Variants in FIGN observed in about 807,000 individuals in gnomAD.
The protein encoded by FIGN is fidgetin.
In FIGN, 11 loss-of-function variants were observed where a neutral mutation model predicts 51.3. The observed-to-expected ratio is 0.21, with a 90% CI of 0.13 to 0.35. The LOEUF is 0.35. FIGN is among the 10% of genes least tolerant of loss of function. The probability of loss-of-function intolerance (pLI) is 1.00; values close to 1 mark genes in which losing one functional copy is unlikely to be tolerated. For synonymous variants in FIGN, 407 were observed against 363.2 expected (o/e 1.12, Z -1.37); for missense variants, 857 against 943.6 (o/e 0.91, Z 1.20).
chr2:163,718,771 A>G (rs1559031839), intron 2 of FIGN, among the ~76,000 whole-genome samples: 1 of 152,028 alleles, frequency 6.6e-6, no homozygotes, highest in African/African-American at 2.4e-5. Flanking sequence ...CAAGAGAGAG[A>G]TTGTATGTTT....
chr2:163,677,004 C>G (rs997788611), intron 2 of FIGN, among the ~76,000 whole-genome samples: 2 of 152,198 alleles, frequency 1.3e-5, no homozygotes, highest in African/African-American at 4.8e-5. Flanking sequence ...CTTTCAAACT[C>G]TCACAGTGTC....
At chr2:163,616,994 A>T in intron 2 of FIGN, 1 of 572,596 alleles carries the variant, frequency 1.7e-6, no homozygotes, top group Non-Finnish European at 2.2e-6. Context: ...TCTACTTATT[A>T]TCATTCTTCA....
rs145037222 is a variant in FIGN, at chr2:163,732,179, C to T, written c.25+2724G>A. Among the ~76,000 whole-genome samples, 4 of 152,256 alleles carry T rather than the reference C, an allele frequency of 2.6e-5. No individual in the cohort carries two copies. In the East Asian group the frequency reaches 7.7e-4, roughly 29 times the overall value. Reference sequence around the variant, plus strand: ...ATATTCATTATTCAAGAACACATAGCATGTTTAATCTGATACCTCTATTTT... The same window carrying T: ...ATATTCATTATTCAAGAACACATAGTATGTTTAATCTGATACCTCTATTTT... On this transcript the variant is annotated intron_variant, in intron 2 of 2. Transcript: ENST00000333129.
At chr2:163,684,885 C>T (rs1398608630) in intron 2 of FIGN, among the ~76,000 whole-genome samples, 5 of 151,936 alleles carry the variant, frequency 3.3e-5, no homozygotes, top group Non-Finnish European at 2.9e-5. Context: ...AGCAATTCTC[C>T]TGCCTCAGCC....
chr2:163,660,139 G>A (rs530450894), intron 2 of FIGN, among the ~76,000 whole-genome samples: 115 of 151,802 alleles, frequency 7.6e-4, no homozygotes, highest in African/African-American at 2.7e-3. Flanking sequence ...AAAAATTAAG[G>A]GAAAAAATGA....
intron 2 of FIGN, among the ~76,000 whole-genome samples, chr2:163,621,007 C>A (rs1682960170): frequency 6.6e-6 from 1 of 152,094 alleles, no homozygotes; most frequent in South Asian, 2.1e-4. Context: ...CCAAACCCCA[C>A]AACCTTGCTT....
chr2:163,656,414 G>A (rs1176643503), intron 2 of FIGN, among the ~76,000 whole-genome samples: 6 of 152,148 alleles, frequency 3.9e-5, no homozygotes, highest in African/African-American at 1.2e-4. Context: ...TATCCTATAA[G>A]AGCATAAAAC....
At chr2:163,703,737 C>T (rs1394266798) in intron 2 of FIGN, among the ~76,000 whole-genome samples, 2 of 152,052 alleles carry the variant, frequency 1.3e-5, no homozygotes, top group African/African-American at 4.8e-5. Flanking sequence ...CATATATGGG[C>T]ACTGTGTTAT....
chr2:163,687,301 A>G lies in FIGN; in HGVS notation c.25+47602T>C, dbSNP rs368477447. Among the ~76,000 whole-genome samples the G allele has an allele frequency of 3.3e-5, 5 of 152,322 alleles. No individual in the cohort carries two copies. In the South Asian group the frequency reaches 6.2e-4, roughly 19 times the overall value. On this transcript the variant is annotated intron_variant, in intron 2 of 2. Coordinates refer to ENST00000333129, the MANE Select transcript of FIGN (RefSeq NM_018086.4). ...ACTAGCAGTAGCCAGCAAGACAAAC[A>G]AAACCTTTCTCCAGAGCAGTGGAGA...
intron 2 of FIGN, among the ~76,000 whole-genome samples, chr2:163,669,931 C>T (rs565004173): frequency 1.3e-5 from 2 of 152,210 alleles, no homozygotes; most frequent in South Asian, 4.1e-4. Context: ...TCGTAACCTA[C>T]TAATGGTTAC....
In FIGN at chr2:163,608,757, A is replaced by G. The variant is rs964452464; in HGVS notation, c.*795T>C. 2 of 152,588 alleles carry G rather than the reference A, an allele frequency of 1.3e-5. No individual in the cohort carries two copies. The highest frequency in any genetic ancestry group is 1.5e-5 in the Non-Finnish European group (1 of 68,022). The allele number at this position is 152,588 out of a possible 1,614,324, so 9.5% of individuals were successfully genotyped here. On this transcript the variant is annotated 3_prime_UTR_variant, in exon 3 of 3. Coordinates refer to ENST00000333129, the MANE Select transcript of FIGN (RefSeq NM_018086.4). ...TAAATATTCAGTTGTATCACACTTC[A>G]GTATTTTTCTGGATACATTCAAAGT...
chr2:163,703,464 T>C (rs574548705), intron 2 of FIGN, among the ~76,000 whole-genome samples: 2 of 152,276 alleles, frequency 1.3e-5, no homozygotes, highest in African/African-American at 4.8e-5. Flanking sequence ...ACATTTTTCA[T>C]TTTCTATTTT....
At chr2:163,721,493 C>T (rs929177540) in intron 2 of FIGN, among the ~76,000 whole-genome samples, 4 of 152,194 alleles carry the variant, frequency 2.6e-5, no homozygotes, top group Admixed American at 2.0e-4. Context: ...CTACTTTTAA[C>T]ATATTGTTTC....
At chr2:163,643,984 G>A (rs879279744) in intron 2 of FIGN, among the ~76,000 whole-genome samples, 4 of 111,590 alleles carry the variant, frequency 3.6e-5, no homozygotes, top group Non-Finnish European at 5.5e-5. Context: ...AAACCTAAAC[G>A]TGAGACCTAA....
At chr2:163,711,026 CAT>C (rs1198802725) in intron 2 of FIGN, among the ~76,000 whole-genome samples, 1 of 152,158 alleles carries the variant, frequency 6.6e-6, no homozygotes, top group African/African-American at 2.4e-5. Context: ...CTCACACACA[CAT>C]AGACACACAA....
chr2:163,631,273 T>A (rs1323647603), intron 2 of FIGN, among the ~76,000 whole-genome samples: 1 of 152,204 alleles, frequency 6.6e-6, no homozygotes, highest in Non-Finnish European at 1.5e-5. Flanking sequence ...CTACTATATA[T>A]CATGTGATAC....
intron 2 of FIGN, 114 bp from the exon 3 acceptor site, chr2:163,611,920 T>G: frequency 2.2e-6 from 1 of 448,110 alleles, no homozygotes; most frequent in Non-Finnish European, 3.4e-6. Context: ...ATATGCATAC[T>G]TTAAAAGATC....
Position 163,610,994 on chromosome 2 carries a change from G to T in FIGN, c.838C>A (p.Pro280Thr). The part of the protein sequence containing the change: ...PPSAYLPSGI[P>T]APTPLPPTTV... ...GTGGGGGGTAGGGGGGTGGGAGCAG[G>T]AATTCCTGAAGGCAGGTACGCTGAA... is the stretch of plus-strand genomic sequence containing the variant. Residue 280 changes from proline (P) to threonine (T), a missense_variant, in exon 3 of 3, where the codon CCT becomes ACT. Coordinates refer to ENST00000333129, the MANE Select transcript of FIGN (RefSeq NM_018086.4). 12 of 1,613,822 alleles carry T rather than the reference G, an allele frequency of 7.4e-6. No individual in the cohort carries two copies. Among genetic ancestry groups the T allele is most frequent in the Non-Finnish European group, 1.0e-5 (12 of 1,180,002 alleles).
intron 2 of FIGN, among the ~76,000 whole-genome samples, chr2:163,703,422 G>A (rs1263072833): frequency 6.6e-6 from 1 of 152,094 alleles, no homozygotes; most frequent in Admixed American, 6.6e-5. Flanking sequence ...TTGTAGGGGA[G>A]AGGAATTAAA....
Sources: gnomAD v4.1 joint callset for allele counts (sites outside exome capture counted in the v4.1 genomes callset) on GRCh38, gnomAD v4.1.1 for gene constraint, MANE v1.5 for transcripts, NCBI Gene and HGNC (gene_info 2026-07-23, HGNC 2026-07-21) for gene names.